The following GABRB2 variants were observed in gnomAD, a reference collection of about 807,000 sequenced individuals.
GABRB2 encodes the protein gamma-aminobutyric acid type A receptor subunit beta2.
Under a neutral mutation model 54.7 loss-of-function variants are expected in GABRB2, and 16 were observed. The observed-to-expected ratio is 0.29, with a 90% CI of 0.20 to 0.44. The LOEUF is 0.44. Among genes scored for constraint, GABRB2 ranks in the 20% least tolerant of loss-of-function variants. The pLI, the probability that GABRB2 is intolerant of heterozygous loss-of-function variation, is 1.00. For synonymous variants in GABRB2, 244 were observed against 233.8 expected (o/e 1.04, Z -0.40); for missense variants, 355 against 644.0 (o/e 0.55, Z 4.86).
At chr5:161,419,007 G>C (rs1196548446) in intron 4 of GABRB2, among the ~76,000 whole-genome samples, 2 of 152,086 alleles carry the variant, frequency 1.3e-5, no homozygotes, top group Admixed American at 1.3e-4. Flanking sequence ...TATGCCTGTG[G>C]TCCCAGCTAC....
intron 4 of GABRB2, among the ~76,000 whole-genome samples, chr5:161,431,468 T>C (rs1757169403): frequency 6.6e-6 from 1 of 152,182 alleles, no homozygotes; most frequent in Non-Finnish European, 1.5e-5. Flanking sequence ...CTATTAAAAG[T>C]ATACAACTTA....
intron 2 of GABRB2, among the ~76,000 whole-genome samples, chr5:161,545,980 C>A (rs1042438304): frequency 1.3e-5 from 2 of 152,168 alleles, no homozygotes; most frequent in African/African-American, 4.8e-5. Context: ...TTAACGGTGG[C>A]CTTCCGCAAG....
chr5:161,534,281 A>G (rs1760560723), intron 3 of GABRB2, among the ~76,000 whole-genome samples: 1 of 152,198 alleles, frequency 6.6e-6, no homozygotes, highest in Admixed American at 6.6e-5. Flanking sequence ...TACAATGCAC[A>G]AGATAGCCCT....
At position 161,428,350 on chromosome 5, in the gene GABRB2, A is replaced by C. The variant is rs565062545; in HGVS notation, c.459-17293T>G. 5.9e-5 allele frequency among the ~76,000 whole-genome samples: 9 copies of C among 151,778 alleles called. No homozygotes were observed. In the East Asian group the frequency reaches 7.7e-4, roughly 13 times the overall value. ...CAAGAGCAGCTGAAATCCACTTGACAAAAATTACTAACACAATTTTATTTC... is the reference window on the plus strand; with the variant it reads ...CAAGAGCAGCTGAAATCCACTTGACCAAAATTACTAACACAATTTTATTTC... On this transcript the variant is annotated intron_variant, in intron 4 of 9. Coordinates refer to ENST00000393959, the MANE Select transcript of GABRB2 (RefSeq NM_001371727.1).
intron 9 of GABRB2, among the ~76,000 whole-genome samples, chr5:161,309,457 C>T (rs1398141851): frequency 3.9e-5 from 6 of 152,222 alleles, no homozygotes; most frequent in African/African-American, 1.4e-4. Context: ...GGCGATTTCC[C>T]AGAGACCTAA....
intron 5 of GABRB2, among the ~76,000 whole-genome samples, chr5:161,339,137 A>G (rs568383572): frequency 1.3e-5 from 2 of 152,114 alleles, no homozygotes; most frequent in Non-Finnish European, 2.9e-5. Flanking sequence ...TAACAAAATG[A>G]CTACAGCTCC....
At chr5:161,376,991 A>T (rs1040933937) in intron 5 of GABRB2, among the ~76,000 whole-genome samples, 1 of 152,110 alleles carries the variant, frequency 6.6e-6, no homozygotes, top group Non-Finnish European at 1.5e-5. Flanking sequence ...TAGGAATGGA[A>T]CCTAGGGCAG....
intron 4 of GABRB2, among the ~76,000 whole-genome samples, chr5:161,444,090 G>T (rs1757544832): frequency 1.3e-5 from 2 of 151,946 alleles, no homozygotes; most frequent in South Asian, 4.1e-4. Context: ...TTAATATTTG[G>T]GAAAAAATAC....
chr5:161,338,808 A>G (rs1754070930), intron 5 of GABRB2, among the ~76,000 whole-genome samples: 1 of 152,056 alleles, frequency 6.6e-6, no homozygotes, highest in South Asian at 2.1e-4. Context: ...AAATAAATAC[A>G]TAAAAGTAAA....
chr5:161,385,675 A>G (rs1174400305), intron 5 of GABRB2, among the ~76,000 whole-genome samples: 1 of 152,152 alleles, frequency 6.6e-6, no homozygotes, highest in East Asian at 1.9e-4. Context: ...GTTAACTACT[A>G]GGTATAAAAT....
At chr5:161,316,542 T>C (rs541016498) in intron 9 of GABRB2, among the ~76,000 whole-genome samples, 5 of 152,232 alleles carry the variant, frequency 3.3e-5, no homozygotes, top group Non-Finnish European at 2.9e-5. Flanking sequence ...TTTACTTCTT[T>C]CCCCTTTTTC....
chr5:161,289,555 T>C lies in GABRB2; in HGVS notation c.*4526A>G, dbSNP rs1270923745. On this transcript the variant is annotated 3_prime_UTR_variant, in exon 10 of 10. Coordinates refer to ENST00000393959, the MANE Select transcript of GABRB2 (RefSeq NM_001371727.1). ...AATAACCATTTTTATTTTTCTGTAG[T>C]GCCATCTATACAAACTTTTACTGTT... 1 of 152,120 alleles carries C rather than the reference T, an allele frequency of 6.6e-6. No individual in the cohort carries two copies. The highest frequency in any genetic ancestry group is 1.5e-5 in the Non-Finnish European group (1 of 68,000). The allele number at this position is 152,120 out of a possible 1,614,324, so 9.4% of individuals were successfully genotyped here. A position where few individuals can be genotyped will look rare whatever the true frequency, so the allele number is the denominator to read the frequency against.
intron 5 of GABRB2, among the ~76,000 whole-genome samples, chr5:161,392,581 A>G (rs1178634718): frequency 6.6e-6 from 1 of 152,182 alleles, no homozygotes; most frequent in Non-Finnish European, 1.5e-5. Flanking sequence ...ACTCTGTGTA[A>G]CCTTGGGCAT....
chr5:161,405,500 T>C (rs1382941404), intron 5 of GABRB2, among the ~76,000 whole-genome samples: 1 of 152,082 alleles, frequency 6.6e-6, no homozygotes, highest in Non-Finnish European at 1.5e-5. Context: ...CTAAGTGACC[T>C]GTTTAGCTAG....
chr5:161,547,580 G>A (rs1054392383), upstream of GABRB2, among the ~76,000 whole-genome samples: 2 of 152,056 alleles, frequency 1.3e-5, no homozygotes, highest in African/African-American at 4.8e-5. Flanking sequence ...GGAGGGGAGG[G>A]GGGCGAGGGG....
intron 3 of GABRB2, among the ~76,000 whole-genome samples, chr5:161,538,450 C>A (rs901565534): frequency 2.0e-5 from 3 of 152,208 alleles, no homozygotes; most frequent in African/African-American, 7.2e-5. Flanking sequence ...ACTTACTTGG[C>A]TGCTAAGAAA....
intron 5 of GABRB2, among the ~76,000 whole-genome samples, chr5:161,403,001 C>T (rs1220705256): frequency 2.0e-5 from 3 of 152,122 alleles, no homozygotes; most frequent in African/African-American, 4.8e-5. Context: ...AGGTTGAGAA[C>T]GTATGCCCTA....
chr5:161,477,003 G>A (rs938213082), intron 3 of GABRB2, among the ~76,000 whole-genome samples: 3 of 151,716 alleles, frequency 2.0e-5, no homozygotes, highest in African/African-American at 4.8e-5. Context: ...CCTAAGGAAT[G>A]GGAGAAAATA....
At chr5:161,412,353 A>T (rs756623180) in intron 4 of GABRB2, among the ~76,000 whole-genome samples, 11 of 151,014 alleles carry the variant, frequency 7.3e-5, no homozygotes, top group Non-Finnish European at 1.6e-4. Flanking sequence ...ATTTGTCCCA[A>T]TTCCTTCATT....
Sources: gnomAD v4.1 joint callset for allele counts (sites outside exome capture counted in the v4.1 genomes callset) on GRCh38, gnomAD v4.1.1 for gene constraint, MANE v1.5 for transcripts, NCBI Gene and HGNC (gene_info 2026-07-23, HGNC 2026-07-21) for gene names.